Variants in KYAT1 observed in about 807,000 individuals in gnomAD.
The protein encoded by KYAT1 is kynurenine aminotransferase 1.
Under a neutral mutation model 52.4 loss-of-function variants are expected in KYAT1, and 47 were observed. The ratio of observed to expected loss-of-function variants is 0.90; its 90% CI spans 0.71 to 1.14. KYAT1 has a LOEUF of 1.14. Among genes scored for constraint, KYAT1 ranks in the 50% most tolerant of loss-of-function variants. The pLI is 0.00. For synonymous variants in KYAT1, 212 were observed against 209.6 expected, an observed-to-expected ratio of 1.01 and a Z score of -0.10; for missense variants, 480 against 557.9, an observed-to-expected ratio of 0.86 and a Z score of 1.41.
intron 1 of KYAT1, among the ~76,000 whole-genome samples, chr9:128,879,215 C>T (rs1305376045): frequency 6.6e-6 from 1 of 151,866 alleles, no homozygotes; most frequent in African/African-American, 2.4e-5. Context: ...GAGGCTGAGG[C>T]AGGAGAATGG....
chr9:128,840,274 TTTG>T (rs59759897), intron 3 of KYAT1, among the ~76,000 whole-genome samples: 151,135 of 151,622 alleles, frequency 1, 75,328 homozygotes, highest in Middle Eastern at 1. Flanking sequence ...CTGTCTCTAT[TTTG>T]TTGTTGTTGT....
At chr9:128,867,298 G>A (rs750914009) in intron 1 of KYAT1, among the ~76,000 whole-genome samples, 1 of 152,106 alleles carries the variant, frequency 6.6e-6, no homozygotes, top group Non-Finnish European at 1.5e-5. Flanking sequence ...TCCCACCTCA[G>A]CTTCCCAAGT....
intron 1 of KYAT1, among the ~76,000 whole-genome samples, chr9:128,865,260 A>T (rs1416375559): frequency 7.4e-6 from 1 of 134,928 alleles, no homozygotes; most frequent in Non-Finnish European, 1.5e-5. Context: ...AAAAAAAAAA[A>T]GGCTAAGTCA....
In KYAT1 at chr9:128,837,728, G is replaced by A. The variant is rs756041155; in HGVS notation, c.524C>T (p.Thr175Ile). ...GGGGGTGTTGAGGACCAGGGCTTTGGTGCGTGATGTGAATTTGCCGGCCAG... is the reference window on the plus strand; with the variant it reads ...GGGGGTGTTGAGGACCAGGGCTTTGATGCGTGATGTGAATTTGCCGGCCAG... ...MELAGKFTSR[T>I]KALVLNTPNN... The change falls in exon 6 of 13, where the codon ACC (threonine) becomes ATC (isoleucine). Residue 175 changes from threonine to isoleucine, a missense_variant. Transcript: ENST00000302586. 3.1e-6 allele frequency: 5 copies of A among 1,614,142 alleles called. No individual in the cohort carries two copies. The Admixed American group carries it at 6.7e-5, about 22-fold the overall frequency.
chr9:128,846,272 A>T (rs1833077209), intron 1 of KYAT1, among the ~76,000 whole-genome samples: 1 of 152,208 alleles, frequency 6.6e-6, no homozygotes, highest in Non-Finnish European at 1.5e-5. Context: ...TCTACTAAAA[A>T]TACAAAAATT....
In KYAT1 at chr9:128,847,780, C is replaced by A; in HGVS notation, c.-6-2369G>T. On this transcript the variant is annotated intron_variant, in intron 1 of 12. Transcript: ENST00000302586. ...ACCCTGTTACTCATATACAATACAC[C>A]CCCCAGCAACCCAAGTGACCCTTTC... 3 of 398,518 alleles carry A rather than the reference C, an allele frequency of 7.5e-6. 1 individual carries two copies. The highest frequency in any genetic ancestry group is 1.5e-4 in the South Asian group (2 of 13,414). 24.7% of individuals were successfully genotyped at this position (398,518 alleles called of 1,614,324 possible). A position where few individuals can be genotyped will look rare whatever the true frequency, so the allele number is the denominator to read the frequency against.
At position 128,838,225 on chromosome 9, in the gene KYAT1, C is replaced by T. The variant is rs1831490828; in HGVS notation, c.344G>A (p.Gly115Glu). Residue 115 changes from glycine (G) to glutamate (E), a missense_variant, in exon 4 of 13, where the codon GGA becomes GAA. Gly to Glu is a moderately conservative substitution (Grantham distance 98, BLOSUM62 -2). Transcript: ENST00000302586. The stretch of plus-strand genomic sequence containing the variant: ...CAAGTCTTGCCCACTCACCTCGTCT[C>T]CTTCGTCCACCAGGGCCTGGAAGGC... ...FTAFQALVDE[G>E]DEVIIIEPFF... The T allele has an allele frequency of 1.2e-6, 2 of 1,614,122 alleles. No individual in the cohort carries two copies. Among genetic ancestry groups the T allele is most frequent in the African/African-American group, 1.3e-5 (1 of 74,944 alleles).
At chr9:128,866,599 A>AAAAAGAAAAG (rs369826708) in intron 1 of KYAT1, among the ~76,000 whole-genome samples, 1 of 151,268 alleles carries the variant, frequency 6.6e-6, no homozygotes, top group African/African-American at 2.4e-5. Context: ...ACTCTGTCTC[A>AAAAAGAAAAG]AAAAGAAAAG....
At chr9:128,874,588 G>A (rs1206924285) in intron 1 of KYAT1, among the ~76,000 whole-genome samples, 4 of 151,848 alleles carry the variant, frequency 2.6e-5, no homozygotes, top group African/African-American at 9.7e-5. Flanking sequence ...TGGGATTACA[G>A]GTGTAAGCCA....
intron 1 of KYAT1, among the ~76,000 whole-genome samples, chr9:128,879,466 G>A (rs1215443422): frequency 6.6e-6 from 1 of 152,150 alleles, no homozygotes; most frequent in Non-Finnish European, 1.5e-5. Context: ...AAAATCAGGC[G>A]CCCTACTCTT....
At chr9:128,833,715 T>C in intron 12 of KYAT1, 25 bp downstream of exon 12, 2 of 1,613,968 alleles carry the variant, frequency 1.2e-6, no homozygotes, top group Non-Finnish European at 8.5e-7. Flanking sequence ...TGTGAGGTCT[T>C]TCCTCCCCCA....
chr9:128,838,936 TTTTATTTA>T (rs71497421), intron 3 of KYAT1, among the ~76,000 whole-genome samples: 118 of 143,546 alleles, frequency 8.2e-4, no homozygotes, highest in Middle Eastern at 3.5e-3. Flanking sequence ...CGGGAGAGGC[TTTTATTTA>T]TTTATTTATT....
At chr9:128,882,170 G>A, upstream of KYAT1, 1 of 152,952 alleles carries the variant, frequency 6.5e-6, no homozygotes, top group Non-Finnish European at 1.5e-5. Flanking sequence ...GGAGGCGCCG[G>A]AGCAGCGCTG....
At position 128,833,732 on chromosome 9, in the gene KYAT1, C is replaced by A. The variant is rs758153186; in HGVS notation, c.1209+8G>T. ...TGAGGTCTTTCCTCCCCCAGCCCTG[C>A]CCTTTACCTTCACAAAACAGAAGCG... On this transcript the variant is annotated splice_region_variant and intron_variant, in intron 12 of 12. Transcript: ENST00000302586. 6 of 1,614,092 alleles carry A rather than the reference C, an allele frequency of 3.7e-6. No homozygotes were observed. Among genetic ancestry groups the A allele is most frequent in the Non-Finnish European group, 5.1e-6 (6 of 1,179,904 alleles).
Position 128,833,296 on chromosome 9 carries a change from C to T in KYAT1, c.*288G>A. 3.6e-6 allele frequency: 2 copies of T among 558,542 alleles called. No homozygotes were observed. The highest frequency in any genetic ancestry group is 6.4e-6 in the Non-Finnish European group (2 of 311,986). The allele number at this position is 558,542 out of a possible 1,614,324, so 34.6% of individuals were successfully genotyped here. A position where few individuals can be genotyped will look rare whatever the true frequency, so the allele number is the denominator to read the frequency against. ...CATGGTGGAAGTCTACCGTCCGTCT[C>T]AGCCAAGCCTGGAGAGACCAGAAGC... is the stretch of plus-strand genomic sequence containing the variant. On this transcript the variant is annotated 3_prime_UTR_variant, in exon 13 of 13. Coordinates refer to ENST00000302586, the MANE Select transcript of KYAT1 (RefSeq NM_004059.5).
chr9:128,843,884 T>C (rs1462280010), intron 2 of KYAT1, among the ~76,000 whole-genome samples: 1 of 152,232 alleles, frequency 6.6e-6, no homozygotes, highest in Non-Finnish European at 1.5e-5. Flanking sequence ...TCTGCTCATA[T>C]AGCCTTCACA....
chr9:128,876,370 A>G (rs1211971680), intron 1 of KYAT1, among the ~76,000 whole-genome samples: 1 of 148,074 alleles, frequency 6.8e-6, no homozygotes, highest in African/African-American at 2.5e-5. Context: ...TACAGCTTGG[A>G]TTATAGGCAT....
intron 2 of KYAT1, among the ~76,000 whole-genome samples, chr9:128,843,058 T>G (rs1832478478): frequency 6.6e-6 from 1 of 152,046 alleles, no homozygotes; most frequent in African/African-American, 2.4e-5. Flanking sequence ...TCCCAGCTAC[T>G]TGGAAGGCTG....
intron 1 of KYAT1, among the ~76,000 whole-genome samples, chr9:128,870,239 A>G (rs1292927259): frequency 6.6e-6 from 1 of 152,230 alleles, no homozygotes; most frequent in African/African-American, 2.4e-5. Flanking sequence ...CAAATTGTCC[A>G]TCAATGGATG....
Sources: gnomAD v4.1 joint callset for allele counts (sites outside exome capture counted in the v4.1 genomes callset) on GRCh38, gnomAD v4.1.1 for gene constraint, MANE v1.5 for transcripts, NCBI Gene and HGNC (gene_info 2026-07-23, HGNC 2026-07-21) for gene names.